Variants in CASQ1 observed in about 807,000 individuals in gnomAD.
The protein encoded by CASQ1 is calsequestrin-1.
A neutral mutation model predicts 49.5 loss-of-function variants in CASQ1; 40 were observed. The ratio of observed to expected loss-of-function variants is 0.81; its 90% CI spans 0.63 to 1.05. The LOEUF is 1.05. CASQ1 is among the 50% of genes least tolerant of loss of function. CASQ1 has a pLI of 0.00. For missense variants in CASQ1, 469 were observed against 486.9 expected (o/e 0.96, Z 0.35); for synonymous variants, 174 against 187.2 (o/e 0.93, Z 0.58).
intron 3 of CASQ1, among the ~76,000 whole-genome samples, chr1:160,194,760 C>T (rs1396449186): frequency 6.6e-6 from 1 of 151,260 alleles, no homozygotes; most frequent in African/African-American, 2.4e-5. Flanking sequence ...ACACATCACA[C>T]ACACATCATA....
rs1654184710 is a variant in CASQ1, at chr1:160,194,997, GTCC to G, written c.466-9_466-7del. 3.3e-6 allele frequency: 5 copies of G among 1,512,508 alleles called. No homozygotes were observed. Among genetic ancestry groups the G allele is most frequent in the Non-Finnish European group, 4.5e-6 (5 of 1,102,174 alleles). 93.7% of individuals were successfully genotyped at this position (1,512,508 alleles called of 1,614,324 possible). A position where few individuals can be genotyped will look rare whatever the true frequency, so the allele number is the denominator to read the frequency against. On this transcript the variant is annotated splice_polypyrimidine_tract_variant and intron_variant, in intron 3 of 10. Transcript: ENST00000368078. ...AGGATAGAAACTCTCTTCCTGCAATGTCCTCCTCTTTCAGGTCCTAGAGGACCC... is the reference window on the plus strand; with the variant it reads ...AGGATAGAAACTCTCTTCCTGCAATGTCCTCTTTCAGGTCCTAGAGGACCC...
intron 5 of CASQ1, 120 bp downstream of exon 5, chr1:160,195,654 C>G (rs565793706): frequency 1.3e-4 from 106 of 845,698 alleles, no homozygotes; most frequent in Non-Finnish European, 1.8e-4. Context: ...CCCTACCTGC[C>G]CCCCCCCCCG....
At chr1:160,197,385 C>T (rs982579368) in intron 6 of CASQ1, among the ~76,000 whole-genome samples, 184 bp from the exon 7 acceptor site, 9 of 152,210 alleles carry the variant, frequency 5.9e-5, no homozygotes, top group Non-Finnish European at 1.2e-4. Flanking sequence ...CCTCTCCCAC[C>T]GCTTTAACCA....
In CASQ1 at chr1:160,190,688, G is replaced by A. The variant is rs1211954914; in HGVS notation, c.-64G>A. The A allele has an allele frequency of 1.3e-6, 2 of 1,525,968 alleles. No homozygotes were observed. Among genetic ancestry groups the A allele is most frequent in the African/African-American group, 1.4e-5 (1 of 72,762 alleles). 94.5% of individuals were successfully genotyped at this position (1,525,968 alleles called of 1,614,324 possible). On this transcript the variant is annotated 5_prime_UTR_variant, in exon 1 of 11. Coordinates refer to ENST00000368078, the MANE Select transcript of CASQ1 (RefSeq NM_001231.5). The stretch of plus-strand genomic sequence containing the variant: ...CTAACTCAGAATCTGGGACCCAGGG[G>A]CCCCTCCCTACCCCAGCTAACCTCT...
At chr1:160,193,667 C>G (rs1371854146) in intron 2 of CASQ1, 80 bp from the exon 3 acceptor site, 3 of 853,318 alleles carry the variant, frequency 3.5e-6, no homozygotes, top group Non-Finnish European at 5.7e-6. Flanking sequence ...GGGCTGTGGC[C>G]GAGGATTTGG....
intron 3 of CASQ1, among the ~76,000 whole-genome samples, chr1:160,194,522 C>T (rs1285226281): frequency 1.3e-5 from 2 of 148,904 alleles, no homozygotes; most frequent in Admixed American, 6.7e-5. Context: ...ATCACATGCA[C>T]ACACACCGTA....
Position 160,197,892 on chromosome 1 carries a change from G to T in CASQ1, c.828+278G>T, listed in dbSNP as rs553343095. Among the ~76,000 whole-genome samples the T allele has an allele frequency of 3.3e-5, 5 of 152,112 alleles. No individual in the cohort carries two copies. The South Asian group carries it at 1.0e-3, about 32-fold the overall frequency. On this transcript the variant is annotated intron_variant, in intron 7 of 10. Coordinates refer to ENST00000368078, the MANE Select transcript of CASQ1 (RefSeq NM_001231.5). ...AAAATAGCAGGGTGTGGTGGCGGGC[G>T]CCTGTAGTCCCAGCTACTTGGGAGG...
chr1:160,198,811 G>A, intron 8 of CASQ1, 80 bp downstream of exon 8: 1 of 1,381,716 alleles, frequency 7.2e-7, no homozygotes, highest in Non-Finnish European at 1.0e-6. Context: ...GCCTCACTAG[G>A]AGGCTTTCCT....
Position 160,192,798 on chromosome 1 carries a change from C to T in CASQ1, c.280-4C>T, listed in dbSNP as rs1157735231. 1 of 1,613,308 alleles carries T rather than the reference C, an allele frequency of 6.2e-7. No individual in the cohort carries two copies. Among genetic ancestry groups the T allele is most frequent in the East Asian group, 2.2e-5 (1 of 44,878 alleles). On this transcript the variant is annotated splice_polypyrimidine_tract_variant and splice_region_variant and intron_variant, in intron 1 of 10. Transcript: ENST00000368078. ...CTAATTTTAATCATAATCCTTCCCT[C>T]CAGTTAGCAGCCCAAGTCCTAGAAG... is the stretch of plus-strand genomic sequence containing the variant.
rs747752231 is a variant in CASQ1 at position 160,195,904 on chromosome 1, A to G, written c.659A>G (p.Lys220Arg). 2 of 1,613,836 alleles carry G rather than the reference A, an allele frequency of 1.2e-6. No homozygotes were observed. ...FFATFDSKVAKKLTLKLNEID... is the reference protein window; with the variant it reads ...FFATFDSKVARKLTLKLNEID... ...CTACCCCCTCTCCCAAAGGTGGCAA[A>G]GAAGCTGACCCTGAAGCTGAATGAG... Residue 220 changes from lysine (K) to arginine (R), a missense_variant, in exon 6 of 11, where the codon AAG becomes AGG. Coordinates refer to ENST00000368078, the MANE Select transcript of CASQ1 (RefSeq NM_001231.5).
chr1:160,200,937 T>C (rs1031881744), intron 10 of CASQ1, among the ~76,000 whole-genome samples: 1 of 152,218 alleles, frequency 6.6e-6, no homozygotes, highest in African/African-American at 2.4e-5. Context: ...TTTATTCTTA[T>C]AAGCCATGAA....
chr1:160,192,225 G>A (rs551593158), intron 1 of CASQ1, among the ~76,000 whole-genome samples: 5 of 152,042 alleles, frequency 3.3e-5, no homozygotes, highest in South Asian at 2.1e-4. Context: ...CTGTCCGGTC[G>A]CTGTCAGTCT....
rs112367008 is a variant in CASQ1 at position 160,197,888 on chromosome 1, G to A, written c.828+274G>A. On this transcript the variant is annotated intron_variant, in intron 7 of 10. Transcript: ENST00000368078. ...AAAAAAAATAGCAGGGTGTGGTGGC[G>A]GGCGCCTGTAGTCCCAGCTACTTGG... 2.8e-3 allele frequency among the ~76,000 whole-genome samples: 423 copies of A among 152,130 alleles called. 3 individuals are homozygous for A. The highest frequency in any genetic ancestry group is 9.6e-3 in the African/African-American group (400 of 41,504).
In CASQ1 at chr1:160,191,001, C is replaced by T. The variant is rs1250118382; in HGVS notation, c.250C>T (p.Gln84Ter). ...CGAGGATGACAAGGCCTCACAAAGA[C>T]AATTTGAGATGGAGGAGCTGATCCT... Reference protein sequence around the residue: ...PPEDDKASQRQFEMEELILEL... With the variant: ...PPEDDKASQR Residue 84 changes from glutamine (Q) to a stop codon, truncating the protein, a stop_gained, in exon 1 of 11, where the codon CAA becomes TAA. Coordinates refer to ENST00000368078, the MANE Select transcript of CASQ1 (RefSeq NM_001231.5). LOFTEE classifies it high-confidence loss of function. 1.9e-6 allele frequency: 3 copies of T among 1,613,992 alleles called. No homozygotes were observed. Among genetic ancestry groups the T allele is most frequent in the Non-Finnish European group, 2.5e-6 (3 of 1,180,016 alleles).
chr1:160,194,558 C>T (rs1654166320), intron 3 of CASQ1, among the ~76,000 whole-genome samples: 2 of 145,792 alleles, frequency 1.4e-5, no homozygotes, highest in Non-Finnish European at 3.0e-5. Flanking sequence ...ACCACATGCA[C>T]ATACATACCT....
chr1:160,201,298 G>A lies in CASQ1; in HGVS notation c.1113G>A (p.Glu371=), dbSNP rs1475818137. The change falls in exon 11 of 11, where the codon GAG becomes GAA. Residue 371 remains glutamate (E), a synonymous_variant. Transcript: ENST00000368078. ...MDDEEDLPSA[E]ELEDWLEDVL... Reference sequence around the variant, plus strand: ...ATGAGGAGGACCTGCCTTCTGCTGAGGAGCTGGAGGACTGGCTGGAGGATG... The same window carrying A: ...ATGAGGAGGACCTGCCTTCTGCTGAAGAGCTGGAGGACTGGCTGGAGGATG... 6.2e-7 allele frequency: 1 copy of A among 1,613,644 alleles called. No individual in the cohort carries two copies. The highest frequency in any genetic ancestry group is 1.3e-5 in the African/African-American group (1 of 74,908).
Position 160,198,939 on chromosome 1 carries a change from G to C in CASQ1, c.884-14G>C. The stretch of plus-strand genomic sequence containing the variant: ...TCTACACACCTCATACCTTGTACTT[G>C]TGTTCCCTCCAAGATGGTTTCGAGT... On this transcript the variant is annotated splice_polypyrimidine_tract_variant and intron_variant, in intron 8 of 10. Coordinates refer to ENST00000368078, the MANE Select transcript of CASQ1 (RefSeq NM_001231.5). 6.5e-7 allele frequency: 1 copy of C among 1,547,136 alleles called. No individual in the cohort carries two copies. The highest frequency in any genetic ancestry group is 8.9e-7 in the Non-Finnish European group (1 of 1,118,846).
chr1:160,194,884 A>C lies in CASQ1; in HGVS notation c.466-128A>C, dbSNP rs566476145. 2,419 of 580,470 alleles carry C rather than the reference A, an allele frequency of 4.2e-3. 16 individuals are homozygous for C. The highest frequency in any genetic ancestry group is 4.9e-3 in the Non-Finnish European group (1,604 of 327,342). 36.0% of individuals were successfully genotyped at this position (580,470 alleles called of 1,614,324 possible). A position where few individuals can be genotyped will look rare whatever the true frequency, so the allele number is the denominator to read the frequency against. ...CACACACACGCACATGCAATCCCCCACACACACACCCACACACTGTCAACA... is the reference window on the plus strand; with the variant it reads ...CACACACACGCACATGCAATCCCCCCCACACACACCCACACACTGTCAACA... On this transcript the variant is annotated intron_variant, in intron 3 of 10. Coordinates refer to ENST00000368078, the MANE Select transcript of CASQ1 (RefSeq NM_001231.5).
At chr1:160,193,720 C>T (rs377618071) in intron 2 of CASQ1, 27 bp from the exon 3 acceptor site, 5 of 1,309,552 alleles carry the variant, frequency 3.8e-6, no homozygotes, top group African/African-American at 2.9e-5. Context: ...CTCACTACCC[C>T]ACCCCTGCGC....
Sources: gnomAD v4.1 joint callset for allele counts (sites outside exome capture counted in the v4.1 genomes callset) on GRCh38, gnomAD v4.1.1 for gene constraint, MANE v1.5 for transcripts, NCBI Gene and HGNC (gene_info 2026-07-23, HGNC 2026-07-21) for gene names.